SOS1: variants seen among roughly 807,000 people sequenced by gnomAD.
SOS1 encodes the protein son of sevenless homolog 1.
In SOS1, 25 loss-of-function variants were observed where a neutral mutation model predicts 157.6. The observed-to-expected ratio is 0.16, with a 90% confidence interval of 0.12 to 0.22. The LOEUF (loss-of-function observed/expected upper bound fraction) is 0.22, where lower values mean the gene tolerates loss of function less well. SOS1 is among the 10% of genes least tolerant of loss of function. The probability of loss-of-function intolerance (pLI) is 1.00; values close to 1 mark genes in which losing one functional copy is unlikely to be tolerated. For synonymous variants in SOS1, 528 were observed against 534.0 expected, an observed-to-expected ratio of 0.99 and a Z score of 0.16; for missense variants, 1,237 against 1,599.1, an observed-to-expected ratio of 0.77 and a Z score of 3.86.
intron 1 of SOS1, among the ~76,000 whole-genome samples, chr2:39,097,348 A>T (rs1186845941): frequency 6.6e-6 from 1 of 152,202 alleles, no homozygotes; most frequent in Non-Finnish European, 1.5e-5. Context: ...TATGACAGTT[A>T]TAGGGACCAT....
At chr2:39,083,313 G>T (rs1187512031) in intron 1 of SOS1, among the ~76,000 whole-genome samples, 1 of 152,050 alleles carries the variant, frequency 6.6e-6, no homozygotes, top group Non-Finnish European at 1.5e-5. Flanking sequence ...CTACATCCAA[G>T]CAGCAAGCAG....
intron 5 of SOS1, among the ~76,000 whole-genome samples, chr2:39,053,164 A>G (rs1422728954): frequency 1.3e-5 from 2 of 152,174 alleles, no homozygotes; most frequent in East Asian, 1.9e-4. Context: ...AGAAAAAAAA[A>G]AGAGAGAGAA....
intron 17 of SOS1, 112 bp downstream of exon 17, chr2:39,006,300 C>A (rs1669280751): frequency 1.3e-6 from 1 of 757,572 alleles, no homozygotes; most frequent in African/African-American, 1.7e-5. Flanking sequence ...AAATATTGAT[C>A]AAACAAGTAT....
intron 1 of SOS1, among the ~76,000 whole-genome samples, chr2:39,094,909 G>T (rs2148194145): frequency 6.6e-6 from 1 of 152,218 alleles, no homozygotes; most frequent in South Asian, 2.1e-4. Flanking sequence ...CCATAAACCT[G>T]TTAGTCCAGT....
At position 39,054,604 on chromosome 2, in the gene SOS1, T is replaced by G. The variant is rs745662878; in HGVS notation, c.720+10A>C. The G allele has an allele frequency of 1.4e-6, 2 of 1,469,884 alleles. No homozygotes were observed. Among genetic ancestry groups the G allele is most frequent in the South Asian group, 2.3e-5 (2 of 87,850 alleles). 91.1% of individuals were successfully genotyped at this position (1,469,884 alleles called of 1,614,324 possible). A position where few individuals can be genotyped will look rare whatever the true frequency, so the allele number is the denominator to read the frequency against. On this transcript the variant is annotated intron_variant, in intron 5 of 22. Coordinates refer to ENST00000402219, the MANE Select transcript of SOS1 (RefSeq NM_005633.4). ...CATTCAATGAGAGGCATATATACAA[T>G]GATACTTACATTAGCTGAAAACAAT...
intron 6 of SOS1, among the ~76,000 whole-genome samples, chr2:39,039,107 A>G (rs557896649): frequency 5.9e-5 from 9 of 152,348 alleles, no homozygotes; most frequent in African/African-American, 1.9e-4. Flanking sequence ...GCATTTTCTT[A>G]GCTGTATTTC....
intron 1 of SOS1, chr2:39,098,278 C>T: frequency 3.8e-6 from 1 of 261,228 alleles, no homozygotes; most frequent in Non-Finnish European, 7.7e-6. Flanking sequence ...CTGGTTAACT[C>T]TCCACCCTTT....
chr2:39,047,897 A>T (rs1193096682), intron 6 of SOS1, among the ~76,000 whole-genome samples: 1 of 152,148 alleles, frequency 6.6e-6, no homozygotes, highest in Non-Finnish European at 1.5e-5. Context: ...CAAACTCCTG[A>T]CCTCAAGTGA....
chr2:39,010,486 A>C (rs1669430548), intron 15 of SOS1, 98 bp downstream of exon 15: 2 of 1,154,502 alleles, frequency 1.7e-6, no homozygotes, highest in African/African-American at 3.1e-5. Context: ...TATGTGACAG[A>C]GCAAAACTCC....
intron 1 of SOS1, among the ~76,000 whole-genome samples, chr2:39,071,122 C>T (rs1420944152): frequency 6.6e-6 from 1 of 152,176 alleles, no homozygotes; most frequent in East Asian, 1.9e-4. Context: ...CCCACCTCCA[C>T]CTCCCAAGGT....
intron 1 of SOS1, among the ~76,000 whole-genome samples, chr2:39,117,463 T>C (rs185541207): frequency 6.6e-6 from 1 of 152,280 alleles, no homozygotes; most frequent in East Asian, 1.9e-4. Flanking sequence ...ATTCCAGCCA[T>C]ATTCAGGAAA....
chr2:38,994,877 A>G (rs549784907), intron 20 of SOS1, among the ~76,000 whole-genome samples: 5 of 152,314 alleles, frequency 3.3e-5, no homozygotes, highest in African/African-American at 1.2e-4. Context: ...TAAGCTGCCA[A>G]TTTTACCACT....
intron 12 of SOS1, 33 bp from the exon 13 acceptor site, chr2:39,013,596 G>T (rs771310254): frequency 2.3e-6 from 3 of 1,314,452 alleles, no homozygotes; most frequent in Non-Finnish European, 3.3e-6. Context: ...AATTACATGG[G>T]AATCAAACAT....
chr2:39,066,753 C>A (rs1183050137), intron 2 of SOS1, among the ~76,000 whole-genome samples: 1 of 152,158 alleles, frequency 6.6e-6, no homozygotes, highest in African/African-American at 2.4e-5. Context: ...CCCTCTCTCT[C>A]AATTGGTGGG....
At chr2:39,042,985 TTGTC>T (rs1558484530) in intron 6 of SOS1, among the ~76,000 whole-genome samples, 1 of 152,298 alleles carries the variant, frequency 6.6e-6, no homozygotes, top group South Asian at 2.1e-4. Context: ...TAGGACAACT[TTGTC>T]TTGTCTATTC....
Position 39,067,720 on chromosome 2 carries a change from T to G in SOS1, c.121A>C (p.Asn41His). The G allele has an allele frequency of 1.9e-6, 3 of 1,612,384 alleles. No homozygotes were observed. The highest frequency in any genetic ancestry group is 1.7e-6 in the Non-Finnish European group (2 of 1,178,408). The change falls in exon 2 of 23, where the codon AAT becomes CAT. Residue 41 changes from asparagine to histidine, a missense_variant. Physicochemically the swap from Asn to His is moderately conservative, Grantham distance 68. Transcript: ENST00000402219. ...QGQVHPTLESNDDALQYVEEL... is the reference protein window; with the variant it reads ...QGQVHPTLESHDDALQYVEEL... ...TCAACATACTGAAGAGCATCATCAT[T>G]AGACTCGAGAGTAGGATGAACTTGC...
At chr2:38,989,371 A>C in intron 20 of SOS1, 57 bp from the exon 21 acceptor site, 8 of 1,071,304 alleles carry the variant, frequency 7.5e-6, no homozygotes, top group Non-Finnish European at 1.2e-5. Context: ...TATTCAACTC[A>C]TCTGCAAAAA....
intron 8 of SOS1, among the ~76,000 whole-genome samples, chr2:39,025,732 G>A (rs917049973): frequency 6.6e-6 from 1 of 152,076 alleles, no homozygotes; most frequent in Non-Finnish European, 1.5e-5. Context: ...GTTTTTCACA[G>A]GTATTCCTTA....
At chr2:39,025,159 C>T (rs1241610369) in intron 8 of SOS1, among the ~76,000 whole-genome samples, 1 of 152,190 alleles carries the variant, frequency 6.6e-6, no homozygotes, top group African/African-American at 2.4e-5. Context: ...AATCTCAGCA[C>T]TTTGGGAGGC....
Sources: allele counts gnomAD v4.1 joint callset (sites outside exome capture counted in the v4.1 genomes callset), GRCh38; gene constraint gnomAD v4.1.1; transcripts MANE v1.5; gene names NCBI Gene and HGNC (gene_info 2026-07-23, HGNC 2026-07-21).